The following ANXA9 variants were observed in gnomAD, a reference collection of about 807,000 sequenced individuals.
The protein encoded by ANXA9 is annexin 31.
A neutral mutation model predicts 51.8 loss-of-function variants in ANXA9; 47 were observed. That is an observed-to-expected ratio of 0.91 (90% confidence interval 0.72 to 1.16). The LOEUF (loss-of-function observed/expected upper bound fraction) is 1.16. Among genes scored for constraint, ANXA9 ranks in the 50% most tolerant of loss-of-function variants. The probability of loss-of-function intolerance (pLI) is 0.00; values close to 1 mark genes in which losing one functional copy is unlikely to be tolerated. For missense variants in ANXA9, 361 were observed against 424.7 expected (o/e 0.85, Z 1.32); for synonymous variants, 154 against 168.7 (o/e 0.91, Z 0.68).
intron 2 of ANXA9, among the ~76,000 whole-genome samples, chr1:150,982,853 C>T (rs587668004): frequency 2.1e-4 from 32 of 152,262 alleles, no homozygotes; most frequent in African/African-American, 7.2e-4. Flanking sequence ...AGGAGCATTC[C>T]GCATCAATCC....
intron 12 of ANXA9, among the ~76,000 whole-genome samples, chr1:150,993,453 C>T (rs587719562): frequency 3.2e-4 from 49 of 151,636 alleles, no homozygotes; most frequent in Admixed American, 2.2e-3. Context: ...GGATTATAGG[C>T]GCCTACCACC....
intron 6 of ANXA9, 41 bp downstream of exon 6, chr1:150,984,435 A>G (rs373255994): frequency 1.3e-6 from 2 of 1,599,490 alleles, no homozygotes; most frequent in Non-Finnish European, 1.7e-6. Context: ...TGGGGAAGGG[A>G]GAAGGCTGTC....
At chr1:150,990,055 T>A (rs1671659384) in intron 12 of ANXA9, among the ~76,000 whole-genome samples, 1 of 152,068 alleles carries the variant, frequency 6.6e-6, no homozygotes, top group Non-Finnish European at 1.5e-5. Flanking sequence ...ACACCTGTAA[T>A]CCTAGCACTT....
intron 7 of ANXA9, among the ~76,000 whole-genome samples, chr1:150,985,188 TCTCA>T (rs777933780): frequency 3.9e-4 from 57 of 144,410 alleles, no homozygotes; most frequent in Middle Eastern, 3.5e-3. Flanking sequence ...TCTCTCTCTC[TCTCA>T]CACACACACA....
At chr1:150,988,390 A>G (rs750963108) in intron 12 of ANXA9, 49 bp downstream of exon 12, 2 of 1,602,534 alleles carry the variant, frequency 1.2e-6, no homozygotes, top group Admixed American at 3.3e-5. Flanking sequence ...TGGGGAGGAG[A>G]GAGGAAGTCT....
intron 13 of ANXA9, 146 bp downstream of exon 13, chr1:150,994,845 G>A (rs966708973): frequency 6.2e-6 from 9 of 1,445,816 alleles, no homozygotes; most frequent in Non-Finnish European, 8.2e-6. Flanking sequence ...TGTAATCCCA[G>A]CACTTTGAGA....
At chr1:150,990,026 G>A (rs1671658697) in intron 12 of ANXA9, among the ~76,000 whole-genome samples, 1 of 151,744 alleles carries the variant, frequency 6.6e-6, no homozygotes, top group African/African-American at 2.4e-5. Flanking sequence ...TAGTAGTCAG[G>A]GGCCAAGCAT....
At chr1:150,986,823 G>A (rs1671572339) in intron 9 of ANXA9, among the ~76,000 whole-genome samples, 162 bp downstream of exon 9, 2 of 152,144 alleles carry the variant, frequency 1.3e-5, no homozygotes, top group African/African-American at 2.4e-5. Context: ...GAGGTGTCAG[G>A]TAGCGTCATA....
chr1:150,978,236 G>T (rs1212651792), upstream of ANXA9, among the ~76,000 whole-genome samples: 7 of 152,054 alleles, frequency 4.6e-5, no homozygotes, highest in African/African-American at 1.7e-4. Flanking sequence ...TTTGGGACCA[G>T]CCTGGCCAAC....
In ANXA9 at chr1:150,994,653, C is replaced by A. The variant is rs1223091337; in HGVS notation, c.929C>A (p.Ala310Asp). 13 of 1,613,984 alleles carry A rather than the reference C, an allele frequency of 8.1e-6. No individual in the cohort carries two copies. Among genetic ancestry groups the A allele is most frequent in the Non-Finnish European group, 1.0e-5 (12 of 1,179,998 alleles). The change falls in exon 13 of 14, where the codon GCT (alanine) becomes GAT (aspartate). Residue 310 changes from alanine to aspartate, a missense_variant. Transcript: ENST00000368947. ...RCETDLLSIR[A>D]EFRKKFGKSL... is the part of the protein sequence containing the mutation. ...GAGACTGACCTTCTGAGTATCAGAGCTGAGTTCAGGAAGAAATTTGGGAAG... is the reference window on the plus strand; with the variant it reads ...GAGACTGACCTTCTGAGTATCAGAGATGAGTTCAGGAAGAAATTTGGGAAG...
intron 13 of ANXA9, 124 bp downstream of exon 13, chr1:150,994,823 G>C (rs1671795529): frequency 6.0e-6 from 9 of 1,493,378 alleles, no homozygotes; most frequent in Non-Finnish European, 7.1e-6. Flanking sequence ...GCCAGGCACA[G>C]TGGCTCACGC....
intron 12 of ANXA9, among the ~76,000 whole-genome samples, chr1:150,990,053 A>T (rs1571693638): frequency 6.6e-6 from 1 of 152,226 alleles, no homozygotes; most frequent in Non-Finnish European, 1.5e-5. Context: ...TCACACCTGT[A>T]ATCCTAGCAC....
At chr1:150,989,377 C>T (rs921081525) in intron 12 of ANXA9, among the ~76,000 whole-genome samples, 4 of 151,854 alleles carry the variant, frequency 2.6e-5, no homozygotes, top group Non-Finnish European at 4.4e-5. Context: ...ATTAGTAGAA[C>T]TGTCCCCCAA....
intron 12 of ANXA9, among the ~76,000 whole-genome samples, chr1:150,993,516 G>A (rs970989820): frequency 2.6e-5 from 4 of 151,530 alleles, no homozygotes; most frequent in Admixed American, 2.0e-4. Context: ...CACCATGTTG[G>A]CCAGGCTGGT....
upstream of ANXA9, among the ~76,000 whole-genome samples, chr1:150,980,406 AT>A (rs756268470): frequency 3.3e-5 from 5 of 151,814 alleles, no homozygotes; most frequent in South Asian, 2.1e-4. Flanking sequence ...AAAAAAAAAA[AT>A]GTTAGTATAT....
intron 12 of ANXA9, among the ~76,000 whole-genome samples, chr1:150,993,497 C>T (rs1443126563): frequency 2.0e-5 from 3 of 151,440 alleles, no homozygotes; most frequent in African/African-American, 4.9e-5. Context: ...TTAATAGAGA[C>T]GGGGGTTTCA....
chr1:150,991,468 CTCG>C (rs1387152064), intron 12 of ANXA9, among the ~76,000 whole-genome samples: 2 of 151,752 alleles, frequency 1.3e-5, no homozygotes. Flanking sequence ...AACTCCTGAT[CTCG>C]TGATCCACAC....
upstream of ANXA9, among the ~76,000 whole-genome samples, chr1:150,980,572 C>CTTTTTTT (rs869295630): frequency 1.2e-4 from 11 of 89,062 alleles, no homozygotes; most frequent in Non-Finnish European, 2.0e-4. Context: ...ACACAGATTA[C>CTTTTTTT]TTTTTTTTTT....
At chr1:150,987,041 A>G (rs1489824789) in intron 9 of ANXA9, among the ~76,000 whole-genome samples, 2 of 152,242 alleles carry the variant, frequency 1.3e-5, no homozygotes, top group East Asian at 3.9e-4. Flanking sequence ...TTTCTTAAAA[A>G]ATAAAAAACA....
Sources: allele counts gnomAD v4.1 joint callset (sites outside exome capture counted in the v4.1 genomes callset), GRCh38; gene constraint gnomAD v4.1.1; transcripts MANE v1.5; gene names NCBI Gene and HGNC (gene_info 2026-07-23, HGNC 2026-07-21).